Variants in KBTBD12 observed in about 807,000 individuals in gnomAD.
KBTBD12 encodes the protein kelch repeat and BTB domain containing 12.
A neutral mutation model predicts 58.7 loss-of-function variants in KBTBD12; 53 were observed. That is an observed-to-expected ratio of 0.90 (90% CI 0.72 to 1.14). The LOEUF (loss-of-function observed/expected upper bound fraction) is 1.14. Among genes scored for constraint, KBTBD12 ranks in the 50% most tolerant of loss-of-function variants. KBTBD12 has a pLI of 0.00. For synonymous variants in KBTBD12, 236 were observed against 259.8 expected, an observed-to-expected ratio of 0.91 and a Z score of 0.88; for missense variants, 704 against 751.3, an observed-to-expected ratio of 0.94 and a Z score of 0.74.
chr3:127,959,351 G>A (rs1940384666), intron 4 of KBTBD12, among the ~76,000 whole-genome samples: 1 of 152,200 alleles, frequency 6.6e-6, no homozygotes. Flanking sequence ...TCTAAGTCAT[G>A]TCAGGGAGCT....
At chr3:127,951,169 T>C (rs1007993359) in intron 4 of KBTBD12, among the ~76,000 whole-genome samples, 6 of 152,214 alleles carry the variant, frequency 3.9e-5, no homozygotes, top group Non-Finnish European at 7.3e-5. Context: ...AATCTTAGTC[T>C]ATTTTTTGAT....
intron 5 of KBTBD12, among the ~76,000 whole-genome samples, chr3:127,966,650 T>C (rs183949718): frequency 6.6e-6 from 1 of 152,034 alleles, no homozygotes; most frequent in Non-Finnish European, 1.5e-5. Flanking sequence ...ATTTGAATAA[T>C]AGGAGTTGGT....
chr3:127,919,188 A>G (rs966250973), intron 1 of KBTBD12, among the ~76,000 whole-genome samples: 1 of 151,642 alleles, frequency 6.6e-6, no homozygotes, highest in South Asian at 2.1e-4. Context: ...ATTATAAGCT[A>G]CTCACTATAC....
At position 127,923,651 on chromosome 3, in the gene KBTBD12, T is replaced by C. The variant is rs1559759873; in HGVS notation, c.590T>C (p.Leu197Ser). 6 of 1,613,806 alleles carry C rather than the reference T, an allele frequency of 3.7e-6. No homozygotes were observed. Among genetic ancestry groups the C allele is most frequent in the Non-Finnish European group, 5.1e-6 (6 of 1,179,794 alleles). ...NISREESILD[L>S]VLRWVNHNKE... ...TCCAGAGAAGAGAGCATTCTGGACT[T>C]AGTTCTGAGATGGGTAAATCATAAC... Residue 197 changes from leucine (L) to serine (S), a missense_variant, in exon 2 of 6, where the codon TTA becomes TCA. By Grantham distance (145) the Leu-to-Ser change is moderately radical. Coordinates refer to ENST00000405109, the MANE Select transcript of KBTBD12 (RefSeq NM_207335.4).
At chr3:127,965,204 T>C (rs1474371420) in intron 5 of KBTBD12, among the ~76,000 whole-genome samples, 2 of 152,226 alleles carry the variant, frequency 1.3e-5, no homozygotes, top group East Asian at 1.9e-4. Flanking sequence ...TTTATCTTTC[T>C]TTATATAATA....
intron 3 of KBTBD12, among the ~76,000 whole-genome samples, chr3:127,928,975 A>G (rs1033155201): frequency 6.6e-6 from 1 of 152,216 alleles, no homozygotes; most frequent in Non-Finnish European, 1.5e-5. Context: ...AGATTTCATC[A>G]CAGCTAGCAG....
At chr3:127,929,221 T>C (rs568418952) in intron 3 of KBTBD12, among the ~76,000 whole-genome samples, 1 of 152,318 alleles carries the variant, frequency 6.6e-6, no homozygotes, top group South Asian at 2.1e-4. Flanking sequence ...AGGAAAGGCT[T>C]TGCTACCCGA....
chr3:127,972,343 A>G (rs1454816107), intron 5 of KBTBD12, among the ~76,000 whole-genome samples: 1 of 152,174 alleles, frequency 6.6e-6, no homozygotes, highest in African/African-American at 2.4e-5. Flanking sequence ...TCAAATCAGA[A>G]TATTTGGTTA....
chr3:127,962,200 G>A (rs916102471), intron 4 of KBTBD12, among the ~76,000 whole-genome samples: 2 of 152,206 alleles, frequency 1.3e-5, no homozygotes, highest in Admixed American at 6.5e-5. Flanking sequence ...CCTCCTTCCG[G>A]GGGGTTTACC....
At chr3:127,968,339 G>T (rs1369731696) in intron 5 of KBTBD12, among the ~76,000 whole-genome samples, 1 of 152,142 alleles carries the variant, frequency 6.6e-6, no homozygotes, top group African/African-American at 2.4e-5. Context: ...TTTCAAAAAG[G>T]TCAGAGCTCA....
At chr3:127,972,578 G>A (rs746761129) in intron 5 of KBTBD12, among the ~76,000 whole-genome samples, 3 of 152,200 alleles carry the variant, frequency 2.0e-5, no homozygotes, top group Non-Finnish European at 4.4e-5. Context: ...TTGCTGTATT[G>A]TTGGATGATG....
intron 5 of KBTBD12, among the ~76,000 whole-genome samples, chr3:127,978,595 G>A (rs1940822820): frequency 1.3e-5 from 2 of 152,304 alleles, no homozygotes; most frequent in African/African-American, 2.4e-5. Context: ...CTATGGGTCA[G>A]ACAGGGGGAA....
In KBTBD12 at chr3:127,985,437, A is replaced by C. The variant is rs1190420553; in HGVS notation, c.*1159A>C. On this transcript the variant is annotated 3_prime_UTR_variant, in exon 6 of 6. Transcript: ENST00000405109. The stretch of plus-strand genomic sequence containing the variant: ...GTCTCTAATTCTGGAAGCACAGTGG[A>C]TTCAATGAGGGCATCTTCATAGCTC... The C allele has an allele frequency of 6.6e-6, 1 of 152,244 alleles. No individual in the cohort carries two copies. Among genetic ancestry groups the C allele is most frequent in the Non-Finnish European group, 1.5e-5 (1 of 68,050 alleles). 9.4% of individuals were successfully genotyped at this position (152,244 alleles called of 1,614,324 possible). A position where few individuals can be genotyped will look rare whatever the true frequency, so the allele number is the denominator to read the frequency against.
chr3:127,986,284 T>A lies in KBTBD12; in HGVS notation c.*2006T>A, dbSNP rs1466460033. 1.3e-5 allele frequency: 2 copies of A among 152,590 alleles called. No individual in the cohort carries two copies. Among genetic ancestry groups the A allele is most frequent in the Non-Finnish European group, 2.9e-5 (2 of 68,048 alleles). The allele number at this position is 152,590 out of a possible 1,614,324, so 9.5% of individuals were successfully genotyped here. The stretch of plus-strand genomic sequence containing the variant: ...GAGTGGGAAGGAAAATATTAATACA[T>A]ACTTTATAGGGTTGGTATGAGGATT... On this transcript the variant is annotated 3_prime_UTR_variant, in exon 6 of 6. Coordinates refer to ENST00000405109, the MANE Select transcript of KBTBD12 (RefSeq NM_207335.4).
At chr3:127,930,330 C>T (rs1939674760) in intron 4 of KBTBD12, 47 bp downstream of exon 4, 1 of 1,567,110 alleles carries the variant, frequency 6.4e-7, no homozygotes, top group Non-Finnish European at 8.7e-7. Flanking sequence ...TTATTTTCCT[C>T]AGCAGTTTGC....
rs765365162 is a variant in KBTBD12, at chr3:127,984,388, CTG to C, written c.*117_*118del. On this transcript the variant is annotated 3_prime_UTR_variant, in exon 6 of 6. Transcript: ENST00000405109. ...TCATGTGCACTGCATGCGTAGTGGC[CTG>C]TGTGTGAAGAAGCAGTGTGTGCTGG... 342 of 1,039,742 alleles carry C rather than the reference CTG, an allele frequency of 3.3e-4. No individual in the cohort carries two copies. Among genetic ancestry groups the C allele is most frequent in the Admixed American group, 4.2e-4 (17 of 40,308 alleles). 64.4% of individuals were successfully genotyped at this position (1,039,742 alleles called of 1,614,324 possible).
chr3:127,924,597 G>A (rs1046588655), intron 2 of KBTBD12, among the ~76,000 whole-genome samples: 3 of 151,842 alleles, frequency 2.0e-5, no homozygotes, highest in Admixed American at 6.6e-5. Flanking sequence ...TAACAAGAAG[G>A]AAAGTTTATT....
chr3:127,921,077 A>G (rs998130024), intron 1 of KBTBD12, among the ~76,000 whole-genome samples: 4 of 152,148 alleles, frequency 2.6e-5, no homozygotes, highest in African/African-American at 9.6e-5. Context: ...TGAAAAATAT[A>G]TAGATATATC....
chr3:127,977,304 A>G (rs1165342157), intron 5 of KBTBD12, among the ~76,000 whole-genome samples: 1 of 152,162 alleles, frequency 6.6e-6, no homozygotes, highest in Non-Finnish European at 1.5e-5. Context: ...ATACACATGC[A>G]TGTGTCTTTA....
Sources: gnomAD v4.1 joint callset for allele counts (sites outside exome capture counted in the v4.1 genomes callset) on GRCh38, gnomAD v4.1.1 for gene constraint, MANE v1.5 for transcripts, NCBI Gene and HGNC (gene_info 2026-07-23, HGNC 2026-07-21) for gene names.